Variants in FSHR observed in about 807,000 individuals in gnomAD.
The protein encoded by FSHR is follicle stimulating hormone receptor.
FSHR carries 46 observed loss-of-function variants against 52.1 expected under a neutral mutation model. That is an observed-to-expected ratio of 0.88 (90% CI 0.70 to 1.13). The LOEUF is 1.13. Ranked by LOEUF, FSHR falls within the 50% of genes most tolerant of loss-of-function variation. The pLI is 0.00. For missense variants in FSHR, 964 were observed against 834.6 expected (o/e 1.16, Z -1.91); for synonymous variants, 399 against 309.6 (o/e 1.29, Z -3.03).
intron 8 of FSHR, among the ~76,000 whole-genome samples, chr2:48,981,437 T>C (rs1005654820): frequency 1.5e-4 from 23 of 152,218 alleles, no homozygotes; most frequent in Admixed American, 1.5e-3. Flanking sequence ...GAAATAGGTA[T>C]TGTTTTGGCC....
At chr2:49,067,987 AATG>A (rs1482525590) in intron 2 of FSHR, among the ~76,000 whole-genome samples, 1 of 151,604 alleles carries the variant, frequency 6.6e-6, no homozygotes, top group African/African-American at 2.4e-5. Flanking sequence ...TTATTTGAGA[AATG>A]ATGAAAATTG....
intron 9 of FSHR, among the ~76,000 whole-genome samples, chr2:48,966,431 C>G (rs1052926227): frequency 6.6e-6 from 1 of 152,052 alleles, no homozygotes; most frequent in Non-Finnish European, 1.5e-5. Flanking sequence ...AGAATTATGA[C>G]AAGGAAATAT....
chr2:49,048,009 A>G (rs1668720013), intron 2 of FSHR, among the ~76,000 whole-genome samples: 1 of 151,962 alleles, frequency 6.6e-6, no homozygotes, highest in African/African-American at 2.4e-5. Flanking sequence ...CTCCCAAGTA[A>G]TTGGGTTTAC....
intron 1 of FSHR, among the ~76,000 whole-genome samples, chr2:49,144,628 A>ATTTCTTG (rs1672805487): frequency 8.2e-6 from 1 of 122,692 alleles, no homozygotes; most frequent in South Asian, 2.6e-4. Flanking sequence ...TGCATTTTCT[A>ATTTCTTG]ATGTCCTCTC....
intron 1 of FSHR, among the ~76,000 whole-genome samples, chr2:49,105,292 A>G (rs1572751040): frequency 1.3e-5 from 2 of 152,062 alleles, no homozygotes; most frequent in African/African-American, 4.8e-5. Context: ...TGCTGCTTGC[A>G]TTGGTATATC....
Position 48,962,964 on chromosome 2 carries a change from G to A in FSHR, c.1857C>T (p.Ser619=), listed in dbSNP as rs767213739. ...TGGCATAGAGGAAGGGGTTGGCACAGGAGTTGATGGGGTGAAACAGAACCA... is the reference window on the plus strand; with the variant it reads ...TGGCATAGAGGAAGGGGTTGGCACAAGAGTTGATGGGGTGAAACAGAACCA... ...ILLVLFHPIN[S]CANPFLYAIF... Residue 619 remains serine, a synonymous_variant, in exon 10 of 10, where the codon TCC becomes TCT. Transcript: ENST00000406846. The A allele has an allele frequency of 9.9e-6, 16 of 1,614,176 alleles. No homozygotes were observed. In the Middle Eastern group the frequency reaches 6.6e-4, roughly 67 times the overall value.
Position 48,983,174 on chromosome 2 carries a change from A to G in FSHR, c.525-8T>C. On this transcript the variant is annotated splice_region_variant and splice_polypyrimidine_tract_variant and intron_variant, in intron 6 of 9. Transcript: ENST00000406846. ...CCATTCTTATTCAGCCATCTGAAAT[A>G]AAAGGCCTATTAAAAAACCAATAAT... 6.2e-7 allele frequency: 1 copy of G among 1,613,418 alleles called. No homozygotes were observed. The highest frequency in any genetic ancestry group is 8.5e-7 in the Non-Finnish European group (1 of 1,179,412).
chr2:49,023,398 G>A (rs559417262), intron 2 of FSHR, among the ~76,000 whole-genome samples: 2 of 152,258 alleles, frequency 1.3e-5, no homozygotes, highest in Admixed American at 6.5e-5. Flanking sequence ...GAAATCTTCA[G>A]GCCTATGAAT....
At chr2:49,033,994 G>C (rs542260145) in intron 2 of FSHR, among the ~76,000 whole-genome samples, 1 of 152,254 alleles carries the variant, frequency 6.6e-6, no homozygotes, top group African/African-American at 2.4e-5. Context: ...GATGAAGTGA[G>C]GTAATTATTG....
intron 2 of FSHR, among the ~76,000 whole-genome samples, chr2:49,022,578 T>C (rs777142081): frequency 6.6e-6 from 1 of 152,180 alleles, no homozygotes; most frequent in Non-Finnish European, 1.5e-5. Context: ...CCTTTTGACA[T>C]GCTTGTGAGG....
intron 8 of FSHR, among the ~76,000 whole-genome samples, chr2:48,969,794 C>G (rs1410342082): frequency 6.6e-6 from 1 of 152,232 alleles, no homozygotes; most frequent in Non-Finnish European, 1.5e-5. Flanking sequence ...CAAGTTCCAT[C>G]CTTTCTGGCA....
chr2:49,061,249 T>C (rs1468800587), intron 2 of FSHR, among the ~76,000 whole-genome samples: 1 of 152,100 alleles, frequency 6.6e-6, no homozygotes, highest in Non-Finnish European at 1.5e-5. Flanking sequence ...ACCATAAGCC[T>C]GGGACCCTGC....
intron 1 of FSHR, among the ~76,000 whole-genome samples, chr2:49,077,071 G>T (rs1335093771): frequency 2.0e-5 from 3 of 152,140 alleles, no homozygotes; most frequent in African/African-American, 7.2e-5. Context: ...GCTCCACTGG[G>T]CAGTGCTCCA....
intron 8 of FSHR, among the ~76,000 whole-genome samples, chr2:48,982,462 T>C (rs1293378856): frequency 6.6e-6 from 1 of 152,174 alleles, no homozygotes; most frequent in African/African-American, 2.4e-5. Flanking sequence ...TGCTTTCCTT[T>C]CCAGGGAAGA....
rs1489184312 is a variant in FSHR at position 48,968,884 on chromosome 2, C to T, written c.669-1G>A. ...ATGGATCCTTGTTCTTGAAATATCTCTATAAAGAGAAAAGGTAAATATAAC... is the reference window on the plus strand; with the variant it reads ...ATGGATCCTTGTTCTTGAAATATCTTTATAAAGAGAAAAGGTAAATATAAC... On this transcript the variant is annotated splice_acceptor_variant, in intron 8 of 9. Transcript: ENST00000406846. LOFTEE classifies it high-confidence loss of function. 1 of 1,612,780 alleles carries T rather than the reference C, an allele frequency of 6.2e-7. No individual in the cohort carries two copies.
chr2:49,032,932 C>G (rs1668150153), intron 2 of FSHR, among the ~76,000 whole-genome samples: 1 of 152,092 alleles, frequency 6.6e-6, no homozygotes, highest in South Asian at 2.1e-4. Context: ...ACCAAATGTG[C>G]CTTTGGTAGA....
chr2:49,011,348 A>T (rs1022935728), intron 4 of FSHR, among the ~76,000 whole-genome samples: 1 of 151,922 alleles, frequency 6.6e-6, no homozygotes, highest in African/African-American at 2.4e-5. Context: ...TTTGAGTGAG[A>T]TTCTTAATCC....
intron 1 of FSHR, among the ~76,000 whole-genome samples, chr2:49,111,565 C>T (rs765029857): frequency 1.1e-4 from 16 of 152,170 alleles, no homozygotes; most frequent in Non-Finnish European, 2.4e-4. Flanking sequence ...GAAAAATATA[C>T]TTTTCCTGGT....
intron 1 of FSHR, among the ~76,000 whole-genome samples, chr2:49,104,192 CG>C (rs1671144055): frequency 6.6e-6 from 1 of 152,060 alleles, no homozygotes; most frequent in Non-Finnish European, 1.5e-5. Flanking sequence ...GGGAAGAAAA[CG>C]GGTAATCCTT....
Sources: allele counts gnomAD v4.1 joint callset (sites outside exome capture counted in the v4.1 genomes callset), GRCh38; gene constraint gnomAD v4.1.1; transcripts MANE v1.5; gene names NCBI Gene and HGNC (gene_info 2026-07-23, HGNC 2026-07-21).